Variants in PSORS1C1 observed in about 807,000 individuals in gnomAD.
PSORS1C1 encodes the protein psoriasis susceptibility 1 candidate gene 1 protein.
PSORS1C1 carries 7 observed loss-of-function variants against 9.4 expected under a neutral mutation model. That is an observed-to-expected ratio of 0.75 (90% CI 0.42 to 1.40). The LOEUF is 1.40. PSORS1C1 is among the 40% of genes most tolerant of loss of function. The pLI is 0.01. For synonymous variants in PSORS1C1, 63 were observed against 69.4 expected, an observed-to-expected ratio of 0.91 and a Z score of 0.46; for missense variants, 146 against 178.1, an observed-to-expected ratio of 0.82 and a Z score of 1.02.
chr6:31,123,248 GT>G (rs1417615077), intron 1 of PSORS1C1, among the ~76,000 whole-genome samples: 1 of 152,180 alleles, frequency 6.6e-6, no homozygotes, highest in Admixed American at 6.5e-5. Flanking sequence ...GGGCTGCCCA[GT>G]TCCTCTACTG....
intron 3 of PSORS1C1, among the ~76,000 whole-genome samples, chr6:31,134,759 G>A (rs1773074793): frequency 6.6e-6 from 1 of 152,170 alleles, no homozygotes; most frequent in African/African-American, 2.4e-5. Context: ...GGATCTCTGA[G>A]CTCCTGTCCT....
chr6:31,135,306 G>A (rs778181693), intron 3 of PSORS1C1, among the ~76,000 whole-genome samples: 6 of 151,976 alleles, frequency 3.9e-5, no homozygotes, highest in South Asian at 2.1e-4. Flanking sequence ...GTGCGATCTC[G>A]GCTCACTGCA....
intron 1 of PSORS1C1, chr6:31,116,151 G>A (rs141505496): frequency 3.7e-6 from 6 of 1,611,266 alleles, no homozygotes; most frequent in Non-Finnish European, 5.1e-6. Context: ...CAGCACTGCT[G>A]GAGCCACAGG....
chr6:31,138,225 C>A, intron 3 of PSORS1C1: 1 of 1,567,146 alleles, frequency 6.4e-7, no homozygotes, highest in Non-Finnish European at 8.6e-7. Flanking sequence ...GACTGGGGGG[C>A]CCTGAGGCAA....
chr6:31,121,253 T>C (rs1301001363), intron 1 of PSORS1C1, among the ~76,000 whole-genome samples: 1 of 152,028 alleles, frequency 6.6e-6, no homozygotes, highest in Non-Finnish European at 1.5e-5. Flanking sequence ...CCTTGGTTAC[T>C]CACAGGGCAC....
chr6:31,131,692 T>G (rs1470612793), intron 3 of PSORS1C1, among the ~76,000 whole-genome samples: 1 of 152,076 alleles, frequency 6.6e-6, no homozygotes, highest in East Asian at 1.9e-4. Flanking sequence ...ATCCCAGTTC[T>G]GCCATTTGTC....
chr6:31,115,928 G>A lies in PSORS1C1; in HGVS notation c.-229+1037G>A. 2 of 1,113,342 alleles carry A rather than the reference G, an allele frequency of 1.8e-6. No homozygotes were observed. Among genetic ancestry groups the A allele is most frequent in the Non-Finnish European group, 2.7e-6 (2 of 736,470 alleles). 69.0% of individuals were successfully genotyped at this position (1,113,342 alleles called of 1,614,324 possible). A position where few individuals can be genotyped will look rare whatever the true frequency, so the allele number is the denominator to read the frequency against. ...CTCTTTTGGGAAGGAGGGAAACTGA[G>A]CTAACCCTATGCCTGGGCACTGGAC... On this transcript the variant is annotated intron_variant, in intron 1 of 5. Transcript: ENST00000259881. The surrounding 1 kb of genome is among the most constrained non-coding windows in gnomAD (Gnocchi z 4.2).
chr6:31,116,349 G>C (rs1772118998), intron 1 of PSORS1C1: 1 of 1,612,410 alleles, frequency 6.2e-7, no homozygotes, highest in African/African-American at 1.3e-5. Context: ...GTGGGGAGCA[G>C]GGGCTCTGGG....
intron 4 of PSORS1C1, 68 bp downstream of exon 4, chr6:31,138,527 T>A: frequency 6.2e-7 from 1 of 1,606,194 alleles, no homozygotes; most frequent in Non-Finnish European, 8.5e-7. Context: ...ATCTGAACCG[T>A]TCACTTGACC....
chr6:31,123,792 T>G (rs1426513807), intron 1 of PSORS1C1, among the ~76,000 whole-genome samples: 1 of 152,238 alleles, frequency 6.6e-6, no homozygotes, highest in African/African-American at 2.4e-5. Flanking sequence ...TTTTGGAAGT[T>G]GCACTGAGAA....
chr6:31,133,644 A>C (rs974258525), intron 3 of PSORS1C1: 1 of 152,216 alleles, frequency 6.6e-6, no homozygotes, highest in Non-Finnish European at 1.5e-5. Context: ...TGCCAAGGCT[A>C]TTACGTTGGC....
At chr6:31,116,287 AT>A in intron 1 of PSORS1C1, 1 of 1,614,084 alleles carries the variant, frequency 6.2e-7, no homozygotes, top group Non-Finnish European at 8.5e-7. Context: ...CTGAAGGATG[AT>A]TTTGCCACTG....
At chr6:31,118,970 G>C (rs1772318222) in intron 1 of PSORS1C1, 1 of 150,658 alleles carries the variant, frequency 6.6e-6, no homozygotes, top group Non-Finnish European at 1.5e-5. Context: ...AGCCTCCCAA[G>C]TAGCTGGGAC....
rs778565440 is a variant in PSORS1C1 at position 31,116,243 on chromosome 6, G to C, written c.-229+1352G>C. On this transcript the variant is annotated intron_variant, in intron 1 of 5. Coordinates refer to ENST00000259881, the MANE Select transcript of PSORS1C1 (RefSeq NM_014068.3). ...GTCAAGGAGGAGACAGACATGCAAGGGTGACCAGAAGAGCTGGACTTGCTG... is the reference window on the plus strand; with the variant it reads ...GTCAAGGAGGAGACAGACATGCAAGCGTGACCAGAAGAGCTGGACTTGCTG... 1.2e-6 allele frequency: 2 copies of C among 1,614,052 alleles called. No homozygotes were observed. The highest frequency in any genetic ancestry group is 8.5e-7 in the Non-Finnish European group (1 of 1,179,966).
chr6:31,123,040 A>G (rs1417803656), intron 1 of PSORS1C1, among the ~76,000 whole-genome samples: 1 of 152,178 alleles, frequency 6.6e-6, no homozygotes, highest in Non-Finnish European at 1.5e-5. Flanking sequence ...AGAGGTAGCA[A>G]AGTTTGTCTT....
rs758816603 is a variant in PSORS1C1 at position 31,139,068 on chromosome 6, G to C, written c.167+289G>C. ...CCAAAGCTGGGGTGGGCTGAGTCTGGGTGCCTGGGAACCCCAAGAGGCTTT... is the reference window on the plus strand; with the variant it reads ...CCAAAGCTGGGGTGGGCTGAGTCTGCGTGCCTGGGAACCCCAAGAGGCTTT... On this transcript the variant is annotated intron_variant, in intron 5 of 5. Coordinates refer to ENST00000259881, the MANE Select transcript of PSORS1C1 (RefSeq NM_014068.3). The surrounding 1 kb of genome is among the most constrained non-coding windows in gnomAD (Gnocchi z 5.2). 1 of 1,591,144 alleles carries C rather than the reference G, an allele frequency of 6.3e-7. No individual in the cohort carries two copies.
intron 3 of PSORS1C1, chr6:31,137,643 T>C (rs1239563605): frequency 2.9e-6 from 1 of 345,984 alleles, no homozygotes; most frequent in African/African-American, 2.1e-5. Context: ...ACCATAGCCC[T>C]GCCCCAGCGA....
intron 2 of PSORS1C1, among the ~76,000 whole-genome samples, chr6:31,127,301 C>A (rs1413304062): frequency 6.6e-6 from 1 of 152,074 alleles, no homozygotes; most frequent in East Asian, 1.9e-4. Flanking sequence ...GGTGAGAGTC[C>A]TCACAGGAGG....
At chr6:31,137,956 T>A in intron 3 of PSORS1C1, 1 of 1,477,758 alleles carries the variant, frequency 6.8e-7, no homozygotes, top group Non-Finnish European at 9.0e-7. Flanking sequence ...CTCCATTATC[T>A]GTACTCTTCC....
Sources: allele counts gnomAD v4.1 joint callset (sites outside exome capture counted in the v4.1 genomes callset), GRCh38; gene constraint gnomAD v4.1.1; non-coding constraint Gnocchi (gnomAD v3.1); transcripts MANE v1.5; gene names NCBI Gene and HGNC (gene_info 2026-07-23, HGNC 2026-07-21).